PLCL1: variants seen among roughly 807,000 people sequenced by gnomAD.
PLCL1 encodes phospholipase C like 1 (inactive).
PLCL1 carries 41 observed loss-of-function variants against 84.4 expected under a neutral mutation model. The ratio of observed to expected loss-of-function variants is 0.49; its 90% CI spans 0.38 to 0.63. The LOEUF (loss-of-function observed/expected upper bound fraction) is 0.63, where lower values mean the gene tolerates loss of function less well. Among genes scored for constraint, PLCL1 ranks in the 30% least tolerant of loss-of-function variants. The probability of loss-of-function intolerance (pLI) is 0.00; values close to 1 mark genes in which losing one functional copy is unlikely to be tolerated. For synonymous variants in PLCL1, 490 were observed against 488.3 expected (o/e 1.00, Z -0.05); for missense variants, 1,206 against 1,367.8 (o/e 0.88, Z 1.87).
intron 1 of PLCL1, among the ~76,000 whole-genome samples, chr2:198,061,623 C>G (rs967770744): frequency 1.3e-5 from 2 of 150,926 alleles, no homozygotes; most frequent in African/African-American, 4.9e-5. Context: ...TATTTTGAGA[C>G]AAGTCTCGCT....
At chr2:197,989,775 T>G (rs1171152888) in intron 1 of PLCL1, among the ~76,000 whole-genome samples, 1 of 152,152 alleles carries the variant, frequency 6.6e-6, no homozygotes, top group Non-Finnish European at 1.5e-5. Flanking sequence ...GTGGAGTTTG[T>G]AAAATGCCTT....
chr2:197,993,727 A>G (rs1401906556), intron 1 of PLCL1, among the ~76,000 whole-genome samples: 1 of 152,174 alleles, frequency 6.6e-6, no homozygotes, highest in Non-Finnish European at 1.5e-5. Context: ...TGGGGGGATA[A>G]ATACCCCATT....
intron 1 of PLCL1, among the ~76,000 whole-genome samples, chr2:197,976,900 T>C (rs895965735): frequency 1.4e-4 from 21 of 152,202 alleles, no homozygotes; most frequent in African/African-American, 4.8e-4. Context: ...TTGGGCTGAA[T>C]CTTGGCTTTA....
chr2:197,906,045 T>C (rs1356196545), intron 1 of PLCL1, among the ~76,000 whole-genome samples: 1 of 152,238 alleles, frequency 6.6e-6, no homozygotes, highest in Non-Finnish European at 1.5e-5. Flanking sequence ...TAGTTTCTTT[T>C]GCTGTGCAGA....
At chr2:197,890,699 T>TATATAC (rs1553500082) in intron 1 of PLCL1, among the ~76,000 whole-genome samples, 1 of 131,632 alleles carries the variant, frequency 7.6e-6, no homozygotes, top group Non-Finnish European at 1.6e-5. Context: ...TATATATATA[T>TATATAC]ATACACACAC....
In PLCL1 at chr2:197,805,061, G is replaced by A; in HGVS notation, c.-39G>A. The A allele has an allele frequency of 7.0e-7, 1 of 1,420,862 alleles. No homozygotes were observed. Among genetic ancestry groups the A allele is most frequent in the Non-Finnish European group, 9.1e-7 (1 of 1,092,920 alleles). The allele number at this position is 1,420,862 out of a possible 1,614,324, so 88.0% of individuals were successfully genotyped here. A position where few individuals can be genotyped will look rare whatever the true frequency, so the allele number is the denominator to read the frequency against. Reference sequence around the variant, plus strand: ...TAGCGGCTGGACTCCGCTGCCGGGCGTCCCGCTTTCCCCCGGGGAGCCCTA... The same window carrying A: ...TAGCGGCTGGACTCCGCTGCCGGGCATCCCGCTTTCCCCCGGGGAGCCCTA... On this transcript the variant is annotated 5_prime_UTR_variant, in exon 1 of 6. Transcript: ENST00000428675. The surrounding 1 kb of genome is among the most constrained non-coding windows in gnomAD (Gnocchi z 4.0).
At chr2:198,035,773 G>A (rs1162079611) in intron 1 of PLCL1, among the ~76,000 whole-genome samples, 2 of 152,228 alleles carry the variant, frequency 1.3e-5, no homozygotes, top group East Asian at 1.9e-4. Flanking sequence ...GGTGGCTCAC[G>A]CCTGTAATCC....
chr2:198,029,074 A>G (rs1434228189), intron 1 of PLCL1, among the ~76,000 whole-genome samples: 3 of 152,214 alleles, frequency 2.0e-5, no homozygotes, highest in East Asian at 3.8e-4. Context: ...GATTTACTTC[A>G]TTATTCACAG....
At chr2:198,092,678 C>G (rs1693075832) in intron 3 of PLCL1, among the ~76,000 whole-genome samples, 1 of 152,174 alleles carries the variant, frequency 6.6e-6, no homozygotes, top group African/African-American at 2.4e-5. Context: ...AAAAGCCTTC[C>G]CTAACTACTC....
chr2:197,888,556 A>G (rs1444800851), intron 1 of PLCL1, among the ~76,000 whole-genome samples: 1 of 152,196 alleles, frequency 6.6e-6, no homozygotes, highest in Non-Finnish European at 1.5e-5. Context: ...AGTTTCCTCA[A>G]CTATAGAGTG....
At chr2:198,105,726 C>T (rs1165761770) in intron 5 of PLCL1, among the ~76,000 whole-genome samples, 1 of 150,546 alleles carries the variant, frequency 6.6e-6, no homozygotes, top group East Asian at 2.0e-4. Flanking sequence ...GGGAAGATTC[C>T]AACACAAATG....
At chr2:197,966,435 T>C (rs1000390171) in intron 1 of PLCL1, among the ~76,000 whole-genome samples, 1 of 152,216 alleles carries the variant, frequency 6.6e-6, no homozygotes, top group Non-Finnish European at 1.5e-5. Flanking sequence ...TTCTGACTTC[T>C]GGGATGGGTG....
At chr2:197,918,836 G>T (rs1559044745) in intron 1 of PLCL1, among the ~76,000 whole-genome samples, 1 of 152,098 alleles carries the variant, frequency 6.6e-6, no homozygotes, top group Non-Finnish European at 1.5e-5. Flanking sequence ...GCTACTAGGG[G>T]AGCCTGAGGT....
intron 5 of PLCL1, among the ~76,000 whole-genome samples, chr2:198,123,712 G>A (rs1693923350): frequency 6.6e-6 from 1 of 152,036 alleles, no homozygotes; most frequent in African/African-American, 2.4e-5. Context: ...ATGCAGCAAT[G>A]AGCATTGCTG....
chr2:197,957,461 C>T (rs1689516416), intron 1 of PLCL1, among the ~76,000 whole-genome samples: 1 of 151,998 alleles, frequency 6.6e-6, no homozygotes, highest in African/African-American at 2.4e-5. Context: ...TTGCTTCTTT[C>T]TTTGTTTTAG....
chr2:197,941,933 G>A (rs887725236), intron 1 of PLCL1, among the ~76,000 whole-genome samples: 3 of 152,020 alleles, frequency 2.0e-5, no homozygotes, highest in African/African-American at 7.3e-5. Context: ...GTTCATCCTC[G>A]ACCTACTGAA....
intron 1 of PLCL1, among the ~76,000 whole-genome samples, chr2:197,838,173 G>C (rs912188985): frequency 1.3e-5 from 2 of 152,106 alleles, no homozygotes; most frequent in African/African-American, 4.8e-5. Context: ...GTTTGTTTGA[G>C]TTCTGTTATT....
chr2:198,012,296 G>A (rs1690886371), intron 1 of PLCL1, among the ~76,000 whole-genome samples: 1 of 152,090 alleles, frequency 6.6e-6, no homozygotes, highest in South Asian at 2.1e-4. Context: ...TGGAGGGACA[G>A]GAACAGAGCC....
intron 1 of PLCL1, among the ~76,000 whole-genome samples, chr2:197,982,237 A>G (rs1690121598): frequency 6.6e-6 from 1 of 151,562 alleles, no homozygotes; most frequent in South Asian, 2.1e-4. Context: ...ATGAAAGTCT[A>G]AAATTGGAAC....
Sources: allele counts gnomAD v4.1 joint callset (sites outside exome capture counted in the v4.1 genomes callset), GRCh38; gene constraint gnomAD v4.1.1; non-coding constraint Gnocchi (gnomAD v3.1); transcripts MANE v1.5; gene names NCBI Gene and HGNC (gene_info 2026-07-23, HGNC 2026-07-21).